ORC2: variants seen among roughly 807,000 people sequenced by gnomAD.
The protein encoded by ORC2 is origin recognition complex protein 2 homolog.
Under a neutral mutation model 77.7 loss-of-function variants are expected in ORC2, and 37 were observed. The observed-to-expected ratio is 0.48, with a 90% CI of 0.37 to 0.63. ORC2 has a LOEUF of 0.63. ORC2 is among the 20% of genes least tolerant of loss of function. The pLI is 0.00. For synonymous variants in ORC2, 201 were observed against 229.5 expected (o/e 0.88, Z 1.12); for missense variants, 557 against 661.9 (o/e 0.84, Z 1.74).
At chr2:200,921,302 C>A (rs577719486) in intron 13 of ORC2, 163 bp from the exon 14 acceptor site, 2 of 397,596 alleles carry the variant, frequency 5.0e-6, no homozygotes, top group Non-Finnish European at 8.8e-6. Flanking sequence ...TGGAACTAGG[C>A]GCACACCACC....
rs1332892380 is a variant in ORC2, at chr2:200,942,754, G to T, written c.352C>A (p.Gln118Lys). The T allele has an allele frequency of 6.2e-7, 1 of 1,608,044 alleles. No individual in the cohort carries two copies. The highest frequency in any genetic ancestry group is 8.5e-7 in the Non-Finnish European group (1 of 1,176,946). The change falls in exon 6 of 18, where the codon CAA becomes AAA. Residue 118 changes from glutamine to lysine, a missense_variant. Transcript: ENST00000234296. The stretch of plus-strand genomic sequence containing the variant: ...TTCAAACTGAATGAAACACTTTTTT[G>T]TGGTGTTTTTGCTAGTTCTGAAGCT... ...KLASELAKTP[Q>K]KSVSFSLKND... is the part of the protein sequence containing the mutation.
intron 11 of ORC2, among the ~76,000 whole-genome samples, chr2:200,927,878 G>A (rs925493710): frequency 6.6e-6 from 1 of 150,468 alleles, no homozygotes; most frequent in African/African-American, 2.4e-5. Context: ...TATATTTTTA[G>A]TAGAGACGGG....
Position 200,909,459 on chromosome 2 carries a change from T to C in ORC2, c.*1842A>G, listed in dbSNP as rs13412214. ...CATAGTGGCTCACCCCTGATCCCAG[T>C]ACTTTGGGAGGCCGAGGCAGGATCA... On this transcript the variant is annotated 3_prime_UTR_variant, in exon 18 of 18. Transcript: ENST00000234296. 49,362 of 151,886 alleles carry C rather than the reference T, an allele frequency of 0.32. 10,823 individuals are homozygous for C. Among genetic ancestry groups the C allele is most frequent in the African/African-American group, 0.62 (25,828 of 41,372 alleles). 9.4% of individuals were successfully genotyped at this position (151,886 alleles called of 1,614,324 possible).
rs2040520237 is a variant in ORC2 at position 200,909,807 on chromosome 2, A to T, written c.*1494T>A. 6.6e-6 allele frequency: 1 copy of T among 150,732 alleles called. No individual in the cohort carries two copies. The highest frequency in any genetic ancestry group is 2.1e-4 in the South Asian group (1 of 4,782). The allele number at this position is 150,732 out of a possible 1,614,324, so 9.3% of individuals were successfully genotyped here. On this transcript the variant is annotated 3_prime_UTR_variant, in exon 18 of 18. Transcript: ENST00000234296. ...AGACAAGGTCTTGCTCTGCACCCAG[A>T]CTGAAGTGCAGTGGCACAATCATAG...
rs2040511762 is a variant in ORC2, at chr2:200,909,000, C to CT, written c.*2300dup. 1 of 152,110 alleles carries CT rather than the reference C, an allele frequency of 6.6e-6. No individual in the cohort carries two copies. The highest frequency in any genetic ancestry group is 2.4e-5 in the African/African-American group (1 of 41,416). 9.4% of individuals were successfully genotyped at this position (152,110 alleles called of 1,614,324 possible). A position where few individuals can be genotyped will look rare whatever the true frequency, so the allele number is the denominator to read the frequency against. On this transcript the variant is annotated 3_prime_UTR_variant, in exon 18 of 18. Transcript: ENST00000234296. ...TATAAAGTGATTCTATCCAAATTGG[C>CT]TTTTTATTTATTAATAATAAAGTCT... is the stretch of plus-strand genomic sequence containing the variant.
intron 9 of ORC2, 52 bp from the exon 10 acceptor site, chr2:200,934,026 T>G (rs773462306): frequency 2.3e-6 from 2 of 874,260 alleles, no homozygotes; most frequent in African/African-American, 1.7e-5. Flanking sequence ...ATCTGTCTCA[T>G]ATCAAAATTA....
At chr2:200,947,834 C>G (rs1249369061) in intron 5 of ORC2, among the ~76,000 whole-genome samples, 6 of 152,062 alleles carry the variant, frequency 3.9e-5, no homozygotes, top group Non-Finnish European at 2.9e-5. Flanking sequence ...CCCCTAGGCT[C>G]AAGTCATCCT....
chr2:200,930,689 A>C (rs1011824182), intron 11 of ORC2, among the ~76,000 whole-genome samples: 5 of 152,110 alleles, frequency 3.3e-5, no homozygotes, highest in Non-Finnish European at 5.9e-5. Context: ...ACATTAGTGT[A>C]CATTTTAAGC....
intron 5 of ORC2, among the ~76,000 whole-genome samples, chr2:200,947,219 T>A (rs1444146943): frequency 6.6e-6 from 1 of 152,146 alleles, no homozygotes; most frequent in East Asian, 1.9e-4. Context: ...CTTAATTTCT[T>A]GATGTAGATA....
intron 11 of ORC2, among the ~76,000 whole-genome samples, chr2:200,930,684 A>G (rs1321540437): frequency 4.6e-5 from 7 of 152,114 alleles, no homozygotes; most frequent in African/African-American, 1.7e-4. Context: ...TATTCACATT[A>G]GTGTACATTT....
At chr2:200,947,657 T>C (rs1417900696) in intron 5 of ORC2, among the ~76,000 whole-genome samples, 1 of 152,194 alleles carries the variant, frequency 6.6e-6, no homozygotes, top group African/African-American at 2.4e-5. Flanking sequence ...CTTTCACATA[T>C]ATTATTTCCC....
chr2:200,944,931 C>CTA (rs1418284328), intron 5 of ORC2, among the ~76,000 whole-genome samples: 2 of 152,174 alleles, frequency 1.3e-5, no homozygotes, highest in African/African-American at 4.8e-5. Flanking sequence ...GGTCAGCAAG[C>CTA]TATAAGTCTA....
chr2:200,954,892 GAATGAATGAATGAATA>G lies in ORC2; in HGVS notation c.238+2493_238+2508del, dbSNP rs1212860809. 3.8e-5 allele frequency among the ~76,000 whole-genome samples: 5 copies of G among 130,018 alleles called. No homozygotes were observed. The East Asian group carries it at 1.0e-3, about 27-fold the overall frequency. The allele number at this position is 130,018 out of a possible 152,430, so 85.3% of individuals were successfully genotyped here. A position where few individuals can be genotyped will look rare whatever the true frequency, so the allele number is the denominator to read the frequency against. ...AAGTTCCCCAGTGTGAGGAATGAAT[GAATGAATGAATGAATA>G]AATAAATAAATAAATAAATAAATAA... On this transcript the variant is annotated intron_variant, in intron 4 of 17. Coordinates refer to ENST00000234296, the MANE Select transcript of ORC2 (RefSeq NM_006190.5).
At chr2:200,916,436 G>T (rs1333302150) in intron 15 of ORC2, among the ~76,000 whole-genome samples, 1 of 151,952 alleles carries the variant, frequency 6.6e-6, no homozygotes, top group Admixed American at 6.6e-5. Flanking sequence ...AGTGAGCCGA[G>T]ATCTTGCCAC....
rs1056364792 is a variant in ORC2, at chr2:200,920,439, T to C, written c.1295-46A>G. The C allele has an allele frequency of 2.9e-6, 4 of 1,393,292 alleles. No individual in the cohort carries two copies. The African/African-American group carries it at 4.3e-5, about 15-fold the overall frequency. The allele number at this position is 1,393,292 out of a possible 1,614,324, so 86.3% of individuals were successfully genotyped here. A position where few individuals can be genotyped will look rare whatever the true frequency, so the allele number is the denominator to read the frequency against. Reference sequence around the variant, plus strand: ...ACAAGAATTACAAATTATTTTTATATTGTCATGTTACTAGATTCCACTTTA... The same window carrying C: ...ACAAGAATTACAAATTATTTTTATACTGTCATGTTACTAGATTCCACTTTA... On this transcript the variant is annotated intron_variant, in intron 14 of 17. Coordinates refer to ENST00000234296, the MANE Select transcript of ORC2 (RefSeq NM_006190.5).
chr2:200,925,828 C>A lies in ORC2; in HGVS notation c.1147+8G>T, dbSNP rs2040829711. 1 of 1,403,770 alleles carries A rather than the reference C, an allele frequency of 7.1e-7. No homozygotes were observed. Among genetic ancestry groups the A allele is most frequent in the South Asian group, 1.2e-5 (1 of 83,496 alleles). The allele number at this position is 1,403,770 out of a possible 1,614,324, so 87.0% of individuals were successfully genotyped here. On this transcript the variant is annotated splice_region_variant and intron_variant, in intron 13 of 17. Transcript: ENST00000234296. ...CTCTAAAACTACCGAGCATCTACTTCATGTTACCTTCTTTAAATTTGTTTA... is the reference window on the plus strand; with the variant it reads ...CTCTAAAACTACCGAGCATCTACTTAATGTTACCTTCTTTAAATTTGTTTA...
Position 200,937,970 on chromosome 2 carries a change from T to C in ORC2, c.454-4A>G, listed in dbSNP as rs199938890. ...GAAATTCACTTTTGTCATTGTTCTG[T>C]TTAGAAATAGAAAAAGCATTAAATA... On this transcript the variant is annotated splice_polypyrimidine_tract_variant and splice_region_variant and intron_variant, in intron 7 of 17. Coordinates refer to ENST00000234296, the MANE Select transcript of ORC2 (RefSeq NM_006190.5). 1.1e-4 allele frequency: 176 copies of C among 1,585,138 alleles called. No individual in the cohort carries two copies. The highest frequency in any genetic ancestry group is 7.1e-4 in the Admixed American group (41 of 57,616).
At chr2:200,935,947 T>A (rs1303732014) in intron 8 of ORC2, 55 bp from the exon 9 acceptor site, 1 of 1,507,334 alleles carries the variant, frequency 6.6e-7, no homozygotes, top group African/African-American at 1.4e-5. Context: ...AAGAGAGGCA[T>A]TGTGGGGTAA....
At chr2:200,956,094 G>A (rs1179832766) in intron 4 of ORC2, among the ~76,000 whole-genome samples, 1 of 152,100 alleles carries the variant, frequency 6.6e-6, no homozygotes, top group East Asian at 1.9e-4. Flanking sequence ...TTGACCTAGG[G>A]TCTCGCTTTG....
Sources: allele counts gnomAD v4.1 joint callset (sites outside exome capture counted in the v4.1 genomes callset), GRCh38; gene constraint gnomAD v4.1.1; transcripts MANE v1.5; gene names NCBI Gene and HGNC (gene_info 2026-07-23, HGNC 2026-07-21).